Variants in CACNG2 observed in about 807,000 individuals in gnomAD.
The protein encoded by CACNG2 is voltage-dependent calcium channel gamma-2 subunit.
Under a neutral mutation model 25.9 loss-of-function variants are expected in CACNG2, and 3 were observed. The observed-to-expected ratio is 0.12, with a 90% CI of 0.05 to 0.30. The LOEUF (loss-of-function observed/expected upper bound fraction) is 0.30, where lower values mean the gene tolerates loss of function less well. Among genes scored for constraint, CACNG2 ranks in the 10% least tolerant of loss-of-function variants. The pLI is 1.00. For synonymous variants in CACNG2, 167 were observed against 173.3 expected (o/e 0.96, Z 0.29); for missense variants, 341 against 432.5 (o/e 0.79, Z 1.88).
chr22:36,671,757 G>T (rs1295684000), intron 1 of CACNG2, among the ~76,000 whole-genome samples: 1 of 152,164 alleles, frequency 6.6e-6, no homozygotes, highest in African/African-American at 2.4e-5. Flanking sequence ...CTTGCTACAA[G>T]AGTCTGCACG....
intron 1 of CACNG2, among the ~76,000 whole-genome samples, chr22:36,612,487 C>T (rs1333857294): frequency 1.3e-5 from 2 of 152,186 alleles, no homozygotes; most frequent in East Asian, 3.8e-4. Flanking sequence ...CCCTGAGATC[C>T]TTACTAGTTT....
At chr22:36,583,839 C>A (rs1222899642) in intron 2 of CACNG2, among the ~76,000 whole-genome samples, 1 of 152,154 alleles carries the variant, frequency 6.6e-6, no homozygotes, top group African/African-American at 2.4e-5. Flanking sequence ...GCTGAGGTCT[C>A]CCCCTGGTCC....
chr22:36,594,219 C>T (rs764256815), intron 1 of CACNG2, among the ~76,000 whole-genome samples: 1 of 152,198 alleles, frequency 6.6e-6, no homozygotes, highest in Non-Finnish European at 1.5e-5. Flanking sequence ...GTGCCTGGCA[C>T]TGGGATGGTA....
At chr22:36,630,989 C>T (rs1936260164) in intron 1 of CACNG2, among the ~76,000 whole-genome samples, 1 of 152,150 alleles carries the variant, frequency 6.6e-6, no homozygotes, top group African/African-American at 2.4e-5. Flanking sequence ...TGCCACCACA[C>T]TTGGCTAATT....
At chr22:36,596,925 T>A (rs1010061536) in intron 1 of CACNG2, among the ~76,000 whole-genome samples, 1 of 151,702 alleles carries the variant, frequency 6.6e-6, no homozygotes, top group African/African-American at 2.4e-5. Context: ...AATTTTTGAA[T>A]TTTTTTTGTA....
At chr22:36,598,511 G>A (rs973755230) in intron 1 of CACNG2, among the ~76,000 whole-genome samples, 2 of 151,800 alleles carry the variant, frequency 1.3e-5, no homozygotes, top group African/African-American at 2.4e-5. Context: ...CCAGCTACTC[G>A]GGAGGCTGAG....
chr22:36,687,180 G>A (rs932402396), intron 1 of CACNG2, among the ~76,000 whole-genome samples: 1 of 152,204 alleles, frequency 6.6e-6, no homozygotes. Context: ...ATGATGGAGT[G>A]GGGAGCGAGC....
chr22:36,576,059 G>A (rs1025771202), intron 2 of CACNG2, among the ~76,000 whole-genome samples: 4 of 152,132 alleles, frequency 2.6e-5, no homozygotes, highest in East Asian at 1.9e-4. Flanking sequence ...GAAGGGATGC[G>A]TTTCAAAAAA....
intron 2 of CACNG2, among the ~76,000 whole-genome samples, chr22:36,572,283 C>T (rs1935245123): frequency 6.6e-6 from 1 of 152,176 alleles, no homozygotes; most frequent in African/African-American, 2.4e-5. Flanking sequence ...CTAAAGCTGA[C>T]ACTGGCAAAC....
chr22:36,671,026 C>T (rs1377042237), intron 1 of CACNG2, among the ~76,000 whole-genome samples: 1 of 151,154 alleles, frequency 6.6e-6, no homozygotes, highest in Non-Finnish European at 1.5e-5. Context: ...TCAAGCGATT[C>T]TTGAGCCTCA....
At chr22:36,650,223 T>C (rs1936587311) in intron 1 of CACNG2, among the ~76,000 whole-genome samples, 1 of 152,218 alleles carries the variant, frequency 6.6e-6, no homozygotes, top group Non-Finnish European at 1.5e-5. Flanking sequence ...ACTCCCACCT[T>C]ACTCAGAGTC....
At chr22:36,681,459 G>A (rs571973269) in intron 1 of CACNG2, among the ~76,000 whole-genome samples, 133 of 152,220 alleles carry the variant, frequency 8.7e-4, no homozygotes, top group Non-Finnish European at 1.7e-3. Flanking sequence ...TTAGCATAAT[G>A]ATCTGCACAT....
At chr22:36,640,159 T>C (rs1248418668) in intron 1 of CACNG2, among the ~76,000 whole-genome samples, 6 of 152,188 alleles carry the variant, frequency 3.9e-5, no homozygotes, top group Non-Finnish European at 5.9e-5. Flanking sequence ...AATATAGTTG[T>C]GCCTCAGTTT....
intron 1 of CACNG2, among the ~76,000 whole-genome samples, chr22:36,641,688 T>C (rs1936444733): frequency 6.6e-6 from 1 of 152,210 alleles, no homozygotes; most frequent in African/African-American, 2.4e-5. Context: ...TGCATTACCC[T>C]TTTCATTCTA....
chr22:36,685,962 C>G (rs563816439), intron 1 of CACNG2, among the ~76,000 whole-genome samples: 2 of 152,380 alleles, frequency 1.3e-5, no homozygotes, highest in East Asian at 3.9e-4. Context: ...GTGCCAGGCA[C>G]TGTGCCGGAC....
intron 2 of CACNG2, among the ~76,000 whole-genome samples, chr22:36,579,489 A>T (rs986936281): frequency 7.0e-6 from 1 of 142,836 alleles, no homozygotes; most frequent in Non-Finnish European, 1.5e-5. Flanking sequence ...CCACCTCTCC[A>T]CTACCGGGCC....
At chr22:36,671,637 C>T (rs1233204401) in intron 1 of CACNG2, among the ~76,000 whole-genome samples, 1 of 152,176 alleles carries the variant, frequency 6.6e-6, no homozygotes, top group Non-Finnish European at 1.5e-5. Context: ...GATACTCTGA[C>T]CATCTGTGCA....
At chr22:36,568,907 C>G (rs927843401) in intron 2 of CACNG2, among the ~76,000 whole-genome samples, 1 of 151,996 alleles carries the variant, frequency 6.6e-6, no homozygotes, top group Admixed American at 6.6e-5. Flanking sequence ...GGCTACTCTG[C>G]AGCCTCAGCA....
chr22:36,680,793 T>C (rs1937110858), intron 1 of CACNG2, among the ~76,000 whole-genome samples: 1 of 142,486 alleles, frequency 7.0e-6, no homozygotes, highest in Admixed American at 7.0e-5. Flanking sequence ...ACCGTTATTG[T>C]CACCATCAAT....
Sources: gnomAD v4.1 joint callset for allele counts (sites outside exome capture counted in the v4.1 genomes callset) on GRCh38, gnomAD v4.1.1 for gene constraint, MANE v1.5 for transcripts, NCBI Gene and HGNC (gene_info 2026-07-23, HGNC 2026-07-21) for gene names.